RAB9B: variants seen among roughly 807,000 people sequenced by gnomAD.
RAB9B encodes ras-related protein Rab-9B.
A neutral mutation model predicts 8.9 loss-of-function variants in RAB9B; 1 was observed. That is an observed-to-expected ratio of 0.11 (90% confidence interval 0.04 to 0.53). RAB9B has a LOEUF of 0.53. RAB9B is among the 20% of genes least tolerant of loss of function. RAB9B has a pLI of 0.93. For missense variants in RAB9B, 82 were observed against 152.9 expected (o/e 0.54, Z 2.45); for synonymous variants, 63 against 57.0 (o/e 1.10, Z -0.47).
chrX:103,791,936 T>C, the RAB9B span: 22 of 112,247 alleles, frequency 2.0e-4, no homozygotes, highest in African/African-American at 6.8e-4. Context: ...AATGTTATCT[T>C]GGTGTGTTAA....
chrX:103,786,183 T>A, the RAB9B span: 10 of 1,125,580 alleles, frequency 8.9e-6, no homozygotes, highest in Non-Finnish European at 1.2e-5. Flanking sequence ...AGTTAGCATG[T>A]CTGAAGGGTG....
Position 103,824,604 on chromosome X carries a change from C to T in RAB9B, c.*575G>A, listed in dbSNP as rs1243871793. The T allele has an allele frequency of 8.9e-6, 1 of 111,937 alleles. No individual in the cohort carries two copies. The highest frequency in any genetic ancestry group is 9.5e-5 in the Admixed American group (1 of 10,548). The allele number at this position is 111,937 out of a possible 1,213,427, so 9.2% of individuals were successfully genotyped here. On this transcript the variant is annotated 3_prime_UTR_variant, in exon 3 of 3. Transcript: ENST00000243298. ...TTTGAAAAGCTCAGATGGGAGCGAA[C>T]CATACATAAGGATTTAAACAAGTCA... is the stretch of plus-strand genomic sequence containing the variant.
At chrX:103,789,157 T>C in the RAB9B span, 140 of 496,729 alleles carry the variant, frequency 2.8e-4, no homozygotes, top group East Asian at 5.1e-3. Flanking sequence ...CCAGGTGCTA[T>C]GGTGTACACT....
the RAB9B span, chrX:103,792,245 A>G: frequency 8.9e-6 from 1 of 112,214 alleles, no homozygotes; most frequent in Admixed American, 9.5e-5. Context: ...GAGATGTAAG[A>G]GCTTTACAAA....
chrX:103,807,798 A>G, the RAB9B span, among the ~76,000 whole-genome samples: 2 of 110,958 alleles, frequency 1.8e-5, no homozygotes, highest in Non-Finnish European at 3.8e-5. Context: ...ACCTCTAGAG[A>G]CTCATGGCCC....
chrX:103,788,845 C>T, the RAB9B span: 1 of 316,634 alleles, frequency 3.2e-6, no homozygotes, highest in Non-Finnish European at 5.6e-6. Context: ...AGAAAATGGG[C>T]TGTGCACAGA....
the RAB9B span, among the ~76,000 whole-genome samples, chrX:103,807,579 C>T: frequency 1.8e-5 from 2 of 112,203 alleles, no homozygotes; most frequent in African/African-American, 6.5e-5. Flanking sequence ...CCCTGGGCTT[C>T]TTCACTGAAT....
At chrX:103,810,996 G>A in the RAB9B span, among the ~76,000 whole-genome samples, 18 of 111,815 alleles carry the variant, frequency 1.6e-4, no homozygotes, top group African/African-American at 6.5e-5. Context: ...TTTAGTTATC[G>A]GAAGTCCTGT....
At chrX:103,817,076 C>T in the RAB9B span, among the ~76,000 whole-genome samples, 1 of 112,009 alleles carries the variant, frequency 8.9e-6, no homozygotes, top group African/African-American at 3.2e-5. Flanking sequence ...AATTCTATTA[C>T]AGGACATGTA....
rs2074665010 is a variant in RAB9B, at chrX:103,822,440, G to C, written c.*2739C>G. 1 of 111,602 alleles carries C rather than the reference G, an allele frequency of 9.0e-6. No homozygotes were observed. Among genetic ancestry groups the C allele is most frequent in the Non-Finnish European group, 1.9e-5 (1 of 53,122 alleles). 9.2% of individuals were successfully genotyped at this position (111,602 alleles called of 1,213,427 possible). A position where few individuals can be genotyped will look rare whatever the true frequency, so the allele number is the denominator to read the frequency against. On this transcript the variant is annotated 3_prime_UTR_variant, in exon 3 of 3. Transcript: ENST00000243298. ...TTTTTTTTAGCAGCACCTGCAACAA[G>C]AGGATTGTGGAATACCTCAGAATAA...
At chrX:103,810,492 C>T in the RAB9B span, among the ~76,000 whole-genome samples, 1 of 112,252 alleles carries the variant, frequency 8.9e-6, no homozygotes, top group Admixed American at 9.4e-5. Flanking sequence ...ACAAAGCCCC[C>T]AGGTGGATCT....
rs2074668536 is a variant in RAB9B, at chrX:103,823,053, G to C, written c.*2126C>G. On this transcript the variant is annotated 3_prime_UTR_variant, in exon 3 of 3. Coordinates refer to ENST00000243298, the MANE Select transcript of RAB9B (RefSeq NM_016370.4). ...CACTCTAATAGAGACAAATACTTTT[G>C]TGAGTTGATAGAGGTCTTTATGATG... 1 of 110,305 alleles carries C rather than the reference G, an allele frequency of 9.1e-6. No homozygotes were observed. The highest frequency in any genetic ancestry group is 3.3e-5 in the African/African-American group (1 of 30,216). 9.1% of individuals were successfully genotyped at this position (110,305 alleles called of 1,213,427 possible).
chrX:103,817,687 G>A (rs980778888), downstream of RAB9B, among the ~76,000 whole-genome samples: 1 of 110,428 alleles, frequency 9.1e-6, no homozygotes, highest in Admixed American at 9.8e-5. Context: ...CCTTGTGGTT[G>A]AAAGTGGAAC....
At chrX:103,811,687 C>G in the RAB9B span, among the ~76,000 whole-genome samples, 5 of 103,762 alleles carry the variant, frequency 4.8e-5, no homozygotes, top group African/African-American at 1.3e-4. Context: ...AAGAGCCATG[C>G]CATCACAATC....
downstream of RAB9B, among the ~76,000 whole-genome samples, chrX:103,820,951 A>AACACAC (rs777837640): frequency 1.5e-3 from 82 of 53,325 alleles, 2 homozygotes; most frequent in Non-Finnish European, 2.7e-4. Context: ...CCCTGTCTCA[A>AACACAC]ACACACACAC....
At chrX:103,793,609 G>C in the RAB9B span, among the ~76,000 whole-genome samples, 2 of 111,618 alleles carry the variant, frequency 1.8e-5, no homozygotes, top group Non-Finnish European at 3.8e-5. Context: ...GTTCTACAGA[G>C]TGATTGTATT....
At chrX:103,792,753 A>G in the RAB9B span, 1 of 112,740 alleles carries the variant, frequency 8.9e-6, no homozygotes, top group South Asian at 3.7e-4. Flanking sequence ...AATAAATAGT[A>G]TATGAATAGA....
the RAB9B span, among the ~76,000 whole-genome samples, chrX:103,803,736 GC>G: frequency 8.9e-6 from 1 of 111,903 alleles, no homozygotes; most frequent in Admixed American, 9.4e-5. Context: ...ATGCCATCAG[GC>G]CAGCTAATTT....
the RAB9B span, among the ~76,000 whole-genome samples, chrX:103,811,695 A>G: frequency 1.0e-5 from 1 of 100,372 alleles, no homozygotes; most frequent in Non-Finnish European, 2.1e-5. Context: ...TGCCATCACA[A>G]TCTAAAGAAT....
Sources: gnomAD v4.1 joint callset for allele counts (sites outside exome capture counted in the v4.1 genomes callset) on GRCh38, gnomAD v4.1.1 for gene constraint, MANE v1.5 for transcripts, NCBI Gene and HGNC (gene_info 2026-07-23, HGNC 2026-07-21) for gene names.